Variants in TSHZ3 observed in about 807,000 individuals in gnomAD.
TSHZ3 encodes teashirt homolog 3.
In TSHZ3, 10 loss-of-function variants were observed where a neutral mutation model predicts 64.5. The observed-to-expected ratio is 0.16, with a 90% CI of 0.10 to 0.26. TSHZ3 has a LOEUF of 0.26. TSHZ3 is among the 10% of genes least tolerant of loss of function. The pLI, the probability that TSHZ3 is intolerant of heterozygous loss-of-function variation, is 1.00. For synonymous variants in TSHZ3, 608 were observed against 593.1 expected, an observed-to-expected ratio of 1.03 and a Z score of -0.36; for missense variants, 1,242 against 1,421.7, an observed-to-expected ratio of 0.87 and a Z score of 2.03.
chr19:31,341,960 A>G (rs1347300565), intron 1 of TSHZ3, among the ~76,000 whole-genome samples: 3 of 152,260 alleles, frequency 2.0e-5, no homozygotes, highest in African/African-American at 7.2e-5. Context: ...CTCCTTTAGA[A>G]TATCAATGAA....
intron 5 of TSHZ3, among the ~76,000 whole-genome samples, chr19:31,195,422 C>A (rs1400529463): frequency 6.6e-6 from 1 of 151,962 alleles, no homozygotes; most frequent in Non-Finnish European, 1.5e-5. Flanking sequence ...ACTATGCCAG[C>A]AAGAAGAGAG....
chr19:31,193,491 C>T (rs1286243946), intron 5 of TSHZ3, among the ~76,000 whole-genome samples: 1 of 152,150 alleles, frequency 6.6e-6, no homozygotes, highest in African/African-American at 2.4e-5. Flanking sequence ...AGGCATGTTC[C>T]AAGCAGGTCC....
intron 1 of TSHZ3, among the ~76,000 whole-genome samples, chr19:31,254,503 C>G (rs1451485573): frequency 6.6e-6 from 1 of 152,174 alleles, no homozygotes. Flanking sequence ...CGCTGTGGCT[C>G]GCCCTCTCTG....
At chr19:31,155,656 T>C (rs747277317) in intron 6 of TSHZ3, among the ~76,000 whole-genome samples, 11 of 152,228 alleles carry the variant, frequency 7.2e-5, no homozygotes, top group Non-Finnish European at 1.5e-4. Context: ...CCTTTACCAC[T>C]GCTTACCGTA....
At chr19:31,328,669 TAAG>T (rs1916992970) in intron 1 of TSHZ3, among the ~76,000 whole-genome samples, 1 of 152,160 alleles carries the variant, frequency 6.6e-6, no homozygotes, top group Non-Finnish European at 1.5e-5. Flanking sequence ...CAATAACAAA[TAAG>T]AAGAGAGAAA....
chr19:31,326,311 T>C (rs1916929409), intron 1 of TSHZ3, among the ~76,000 whole-genome samples: 1 of 152,218 alleles, frequency 6.6e-6, no homozygotes, highest in Non-Finnish European at 1.5e-5. Flanking sequence ...AGAAGAAGAC[T>C]CTCTTTTAAC....
intron 1 of TSHZ3, among the ~76,000 whole-genome samples, chr19:31,253,292 G>C (rs1053005202): frequency 6.6e-6 from 1 of 152,042 alleles, no homozygotes; most frequent in East Asian, 1.9e-4. Flanking sequence ...AGGTTTCTAA[G>C]ACACACATAG....
intron 1 of TSHZ3, chr19:31,308,539 G>A: frequency 2.5e-6 from 1 of 396,396 alleles, no homozygotes. Context: ...TCCATTTCTA[G>A]GAGACTGGCT....
At chr19:31,162,572 G>GCACAC (rs2145104774) in intron 5 of TSHZ3, among the ~76,000 whole-genome samples, 1 of 152,092 alleles carries the variant, frequency 6.6e-6, no homozygotes, top group East Asian at 1.9e-4. Context: ...CCACCTCACA[G>GCACAC]CACACGTCAT....
chr19:31,211,429 G>A (rs1288139007), intron 4 of TSHZ3, among the ~76,000 whole-genome samples: 1 of 152,200 alleles, frequency 6.6e-6, no homozygotes, highest in African/African-American at 2.4e-5. Flanking sequence ...AGCATGGTCA[G>A]GAGTTAGAGG....
chr19:31,171,979 G>T (rs1599559128), intron 5 of TSHZ3, among the ~76,000 whole-genome samples: 1 of 152,152 alleles, frequency 6.6e-6, no homozygotes, highest in Non-Finnish European at 1.5e-5. Context: ...TTCATTCCAG[G>T]CCTTATAGGT....
chr19:31,234,826 T>C (rs1336341550), intron 3 of TSHZ3, among the ~76,000 whole-genome samples: 2 of 152,206 alleles, frequency 1.3e-5, no homozygotes, highest in Non-Finnish European at 2.9e-5. Flanking sequence ...TTCCTTTCCT[T>C]CCAACTGCAT....
intron 4 of TSHZ3, among the ~76,000 whole-genome samples, chr19:31,209,251 A>G (rs2145157915): frequency 6.6e-6 from 1 of 152,362 alleles, no homozygotes; most frequent in South Asian, 2.1e-4. Flanking sequence ...CTGAGCAATG[A>G]GTTTGGAGAC....
At chr19:31,164,060 C>T (rs1238341762) in intron 5 of TSHZ3, among the ~76,000 whole-genome samples, 5 of 152,168 alleles carry the variant, frequency 3.3e-5, no homozygotes, top group African/African-American at 4.8e-5. Context: ...GGGAGTCTCA[C>T]GTGAGCGGCT....
intron 3 of TSHZ3, among the ~76,000 whole-genome samples, chr19:31,230,523 A>G (rs1975525202): frequency 6.6e-6 from 1 of 152,062 alleles, no homozygotes; most frequent in African/African-American, 2.4e-5. Context: ...GTATCAAAAA[A>G]TGGTCTTCAG....
intron 1 of TSHZ3, among the ~76,000 whole-genome samples, chr19:31,307,146 A>C (rs1916323106): frequency 6.6e-6 from 1 of 152,224 alleles, no homozygotes; most frequent in Admixed American, 6.5e-5. Context: ...GAGGAAAAAA[A>C]AATGCATCTA....
chr19:31,215,205 G>T (rs1457768764), intron 4 of TSHZ3, among the ~76,000 whole-genome samples: 3 of 151,962 alleles, frequency 2.0e-5, no homozygotes, highest in African/African-American at 7.3e-5. Context: ...TATGAGTCAG[G>T]TCTTTACTTA....
chr19:31,204,263 C>T (rs758683072), intron 5 of TSHZ3, among the ~76,000 whole-genome samples: 1 of 151,886 alleles, frequency 6.6e-6, no homozygotes, highest in Non-Finnish European at 1.5e-5. Flanking sequence ...TTCCTCTCTT[C>T]TTCTCTTGCT....
At chr19:31,330,155 G>T (rs533622574) in intron 1 of TSHZ3, among the ~76,000 whole-genome samples, 4 of 150,924 alleles carry the variant, frequency 2.7e-5, no homozygotes, top group Admixed American at 1.3e-4. Context: ...GCTGCTGTGT[G>T]ATAACCAAAA....
Sources: allele counts gnomAD v4.1 joint callset (sites outside exome capture counted in the v4.1 genomes callset), GRCh38; gene constraint gnomAD v4.1.1; transcripts MANE v1.5; gene names NCBI Gene and HGNC (gene_info 2026-07-23, HGNC 2026-07-21).